The following LRCH2 variants were observed in gnomAD, a reference collection of about 807,000 sequenced individuals.
LRCH2 encodes leucine rich repeats and calponin homology domain containing 2, also known as leucine-rich repeat and calponin homology domain-containing protein 2.
A neutral mutation model predicts 68.9 loss-of-function variants in LRCH2; 38 were observed. The observed-to-expected ratio is 0.55, with a 90% CI of 0.43 to 0.72. The LOEUF is 0.72. Ranked by LOEUF, LRCH2 falls within the 30% of genes least tolerant of loss-of-function variation. The pLI, the probability that LRCH2 is intolerant of heterozygous loss-of-function variation, is 0.00. For missense variants in LRCH2, 528 were observed against 572.9 expected, an observed-to-expected ratio of 0.92 and a Z score of 0.80; for synonymous variants, 191 against 208.1, an observed-to-expected ratio of 0.92 and a Z score of 0.71.
In LRCH2 at chrX:115,139,115, G is replaced by A. The variant is rs187853931; in HGVS notation, c.1696-8916C>T. ...ATTCGTTGTAAACACCATTGAATTC[G>A]GACTAGCCTCAGAAGCTTGTAATAA... is the stretch of plus-strand genomic sequence containing the variant. On this transcript the variant is annotated intron_variant, in intron 14 of 20. Coordinates refer to ENST00000317135, the MANE Select transcript of LRCH2 (RefSeq NM_020871.4). The A allele has an allele frequency of 2.5e-4, 28 of 111,636 alleles. No individual in the cohort carries two copies. The Admixed American group carries it at 2.6e-3, about 10-fold the overall frequency. The allele number at this position is 111,636 out of a possible 1,213,427, so 9.2% of individuals were successfully genotyped here. A position where few individuals can be genotyped will look rare whatever the true frequency, so the allele number is the denominator to read the frequency against.
rs1049997920 is a variant in LRCH2 at position 115,179,479 on chromosome X, T to C, written c.812A>G (p.His271Arg). Residue 271 changes from histidine (H) to arginine (R), a missense_variant, in exon 5 of 21, where the codon CAT (histidine) becomes CGT (arginine). His to Arg is a conservative substitution (Grantham distance 29, BLOSUM62 0). Transcript: ENST00000317135. ...GTTATCCAAAATTATTACTTGTAAATGATGCAGCTTTCTGTAACAAACTGG... is the reference window on the plus strand; with the variant it reads ...GTTATCCAAAATTATTACTTGTAAACGATGCAGCTTTCTGTAACAAACTGG... Reference protein sequence around the residue: ...EIPVCYRKLHHLQVIILDNNP... With the variant: ...EIPVCYRKLHRLQVIILDNNP... 2.7e-5 allele frequency: 31 copies of C among 1,150,762 alleles called. No homozygotes were observed. The highest frequency in any genetic ancestry group is 5.4e-5 in the African/African-American group (3 of 55,370). The allele number at this position is 1,150,762 out of a possible 1,213,427, so 94.8% of individuals were successfully genotyped here. A position where few individuals can be genotyped will look rare whatever the true frequency, so the allele number is the denominator to read the frequency against.
intron 1 of LRCH2, chrX:115,189,497 C>T (rs1556556086): frequency 1.7e-6 from 2 of 1,182,485 alleles, no homozygotes; most frequent in Admixed American, 2.4e-5. Context: ...AACCTCAAAA[C>T]CGACGAGAAA....
At chrX:115,135,917 A>C (rs1226202165) in intron 14 of LRCH2, among the ~76,000 whole-genome samples, 1 of 112,051 alleles carries the variant, frequency 8.9e-6, no homozygotes, top group East Asian at 2.8e-4. Context: ...TTCATACATA[A>C]TACTATTACA....
chrX:115,137,304 T>G (rs926704233), intron 14 of LRCH2, among the ~76,000 whole-genome samples: 3 of 110,095 alleles, frequency 2.7e-5, no homozygotes, highest in African/African-American at 6.6e-5. Context: ...GATAACCAAT[T>G]AGGTGATGGG....
intron 20 of LRCH2, 59 bp downstream of exon 20, chrX:115,122,466 CCA>C: frequency 1.0e-6 from 1 of 959,283 alleles, no homozygotes; most frequent in East Asian, 3.1e-5. Context: ...AAGAAGAACC[CCA>C]GTTTGCATGT....
In LRCH2 at chrX:115,189,805, C is replaced by T. The variant is rs1556556446; in HGVS notation, c.350-1435G>A. On this transcript the variant is annotated intron_variant, in intron 1 of 20. Coordinates refer to ENST00000317135, the MANE Select transcript of LRCH2 (RefSeq NM_020871.4). ...GGGTGGCAGCAGCCCACAGCGACCC[C>T]CCTCTCAGGGCAGGCCTGATGACGG... is the stretch of plus-strand genomic sequence containing the variant. The T allele has an allele frequency of 3.4e-6, 4 of 1,166,364 alleles. No individual in the cohort carries two copies. The African/African-American group carries it at 7.1e-5, about 21-fold the overall frequency.
intron 5 of LRCH2, among the ~76,000 whole-genome samples, chrX:115,173,451 A>G (rs2072620642): frequency 8.9e-6 from 1 of 112,006 alleles, no homozygotes; most frequent in African/African-American, 3.2e-5. Flanking sequence ...TTAGGGCCAC[A>G]TGAGTAAACA....
chrX:115,158,029 T>G (rs782643305), intron 11 of LRCH2, among the ~76,000 whole-genome samples: 1 of 112,165 alleles, frequency 8.9e-6, no homozygotes, highest in South Asian at 3.7e-4. Flanking sequence ...TGATTTACTC[T>G]GATACCAAAA....
chrX:115,209,156 C>A (rs782197180), intron 1 of LRCH2, among the ~76,000 whole-genome samples: 42 of 112,131 alleles, frequency 3.7e-4, no homozygotes, highest in Non-Finnish European at 7.3e-4. Flanking sequence ...ACACATACAC[C>A]CTATATGCTA....
At chrX:115,222,225 G>T (rs1039838508) in intron 1 of LRCH2, among the ~76,000 whole-genome samples, 1 of 111,771 alleles carries the variant, frequency 8.9e-6, no homozygotes, top group Non-Finnish European at 1.9e-5. Context: ...AAAAACATTT[G>T]AAAAGCCAGG....
intron 1 of LRCH2, among the ~76,000 whole-genome samples, chrX:115,208,568 T>C (rs1556568991): frequency 9.0e-6 from 1 of 111,602 alleles, no homozygotes; most frequent in Non-Finnish European, 1.9e-5. Flanking sequence ...TCAGATGGAA[T>C]GGAAATCTGC....
At chrX:115,143,405 C>T (rs1361968524) in intron 14 of LRCH2, among the ~76,000 whole-genome samples, 1 of 111,197 alleles carries the variant, frequency 9.0e-6, no homozygotes, top group Non-Finnish European at 1.9e-5. Context: ...TTCCTAGACA[C>T]ATAAAACCTA....
chrX:115,205,753 A>G (rs1166775621), intron 1 of LRCH2, among the ~76,000 whole-genome samples: 1 of 111,495 alleles, frequency 9.0e-6, no homozygotes, highest in African/African-American at 3.3e-5. Flanking sequence ...CCTGGCCAAC[A>G]TGGTGAAACC....
At chrX:115,163,234 G>A (rs1208233020) in intron 11 of LRCH2, among the ~76,000 whole-genome samples, 2 of 111,060 alleles carry the variant, frequency 1.8e-5, no homozygotes, top group Non-Finnish European at 3.8e-5. Context: ...TAAAAAGCAC[G>A]TTATATTCAT....
At chrX:115,217,145 G>A (rs954219595) in intron 1 of LRCH2, among the ~76,000 whole-genome samples, 20 of 111,447 alleles carry the variant, frequency 1.8e-4, no homozygotes, top group Non-Finnish European at 3.4e-4. Context: ...TACGCTATTC[G>A]AGTGATGGTT....
At chrX:115,156,956 G>A (rs981834622) in intron 11 of LRCH2, among the ~76,000 whole-genome samples, 35 of 111,252 alleles carry the variant, frequency 3.1e-4, no homozygotes, top group Non-Finnish European at 3.8e-5. Context: ...TGAGATAGAA[G>A]ATAAAGAGAT....
chrX:115,190,527 G>C, intron 1 of LRCH2: 1 of 1,154,729 alleles, frequency 8.7e-7, no homozygotes, highest in Non-Finnish European at 1.2e-6. Context: ...GGGACCACTC[G>C]CCCAAAGCCT....
At chrX:115,124,199 T>C (rs1167735326) in intron 16 of LRCH2, among the ~76,000 whole-genome samples, 197 bp from the exon 17 acceptor site, 1 of 111,807 alleles carries the variant, frequency 8.9e-6, no homozygotes, top group Non-Finnish European at 1.9e-5. Flanking sequence ...TATTTGCTAG[T>C]TGAGCTAACC....
chrX:115,179,607 CT>C (rs2072676522), intron 4 of LRCH2, 38 bp downstream of exon 4: 1 of 1,100,823 alleles, frequency 9.1e-7, no homozygotes, highest in East Asian at 3.4e-5. Context: ...TACATAGTTA[CT>C]CTCTTATTCA....
Sources: gnomAD v4.1 joint callset for allele counts (sites outside exome capture counted in the v4.1 genomes callset) on GRCh38, gnomAD v4.1.1 for gene constraint, MANE v1.5 for transcripts, NCBI Gene and HGNC (gene_info 2026-07-23, HGNC 2026-07-21) for gene names.